The following PALM2AKAP2 variants were observed in gnomAD, a reference collection of about 807,000 sequenced individuals.
PALM2AKAP2 encodes PALM2-AKAP2 fusion protein.
Under a neutral mutation model 71.5 loss-of-function variants are expected in PALM2AKAP2, and 37 were observed. That is an observed-to-expected ratio of 0.52 (90% CI 0.40 to 0.68). The LOEUF (loss-of-function observed/expected upper bound fraction) is 0.68. Ranked by LOEUF, PALM2AKAP2 falls within the 30% of genes least tolerant of loss-of-function variation. The pLI is 0.00. For synonymous variants in PALM2AKAP2, 468 were observed against 478.8 expected (o/e 0.98, Z 0.29); for missense variants, 1,224 against 1,191.8 (o/e 1.03, Z -0.40).
At chr9:109,685,533 C>T (rs528441877) in intron 1 of PALM2AKAP2, among the ~76,000 whole-genome samples, 1 of 152,020 alleles carries the variant, frequency 6.6e-6, no homozygotes, top group East Asian at 1.9e-4. Context: ...TGTAACTACA[C>T]TATACTCTAA....
At chr9:109,905,012 G>C (rs1391354281) in intron 3 of PALM2AKAP2, among the ~76,000 whole-genome samples, 12 of 152,100 alleles carry the variant, frequency 7.9e-5, no homozygotes. Flanking sequence ...TTTGTATCTG[G>C]AGGTTCCAAT....
chr9:109,912,837 A>G (rs917209890), intron 3 of PALM2AKAP2, among the ~76,000 whole-genome samples: 3 of 152,222 alleles, frequency 2.0e-5, no homozygotes, highest in African/African-American at 7.2e-5. Flanking sequence ...GGCAGCAGGA[A>G]CTAATGAAGT....
chr9:109,858,184 G>A (rs534596310), intron 1 of PALM2AKAP2, among the ~76,000 whole-genome samples: 7 of 152,288 alleles, frequency 4.6e-5, no homozygotes, highest in African/African-American at 1.7e-4. Context: ...TACTAGCCAT[G>A]TGACCCTGTC....
At chr9:110,138,452 C>A in exon 2 of PALM2AKAP2, 1 of 1,614,242 alleles carries the variant, frequency 6.2e-7, no homozygotes, top group Non-Finnish European at 8.5e-7. Context: ...GCTGAAGAGG[C>A]AGAGACAAGT....
At chr9:109,879,026 C>T (rs9409097) in intron 2 of PALM2AKAP2, among the ~76,000 whole-genome samples, 53,579 of 152,082 alleles carry the variant, frequency 0.35, 10,134 homozygotes, top group Non-Finnish European at 0.43. Flanking sequence ...CGCGAGCCAC[C>T]GTGCCCAGCC....
chr9:109,946,228 C>A (rs567428457), intron 6 of PALM2AKAP2: 2 of 152,300 alleles, frequency 1.3e-5, no homozygotes, highest in African/African-American at 4.8e-5. Flanking sequence ...TGCTGCCTTT[C>A]CTGCTGCCAT....
intron 6 of PALM2AKAP2, among the ~76,000 whole-genome samples, chr9:110,011,011 AAAAAT>A (rs1398180161): frequency 5.6e-4 from 64 of 113,640 alleles, no homozygotes; most frequent in Non-Finnish European, 7.2e-4. Flanking sequence ...AAAAAAAAAA[AAAAAT>A]ATATATATAT....
chr9:110,124,984 T>C (rs186806230), intron 1 of PALM2AKAP2, among the ~76,000 whole-genome samples: 1 of 152,326 alleles, frequency 6.6e-6, no homozygotes, highest in Non-Finnish European at 1.5e-5. Context: ...ATTAACTTTT[T>C]TTCTGATTGG....
chr9:109,941,485 C>G (rs1018098080), intron 6 of PALM2AKAP2, among the ~76,000 whole-genome samples: 9 of 152,126 alleles, frequency 5.9e-5, no homozygotes, highest in Non-Finnish European at 1.3e-4. Context: ...GATTCTCAGG[C>G]CTGTGGCTTG....
In PALM2AKAP2 at chr9:110,138,360, C is replaced by T. The variant is rs1457486297; in HGVS notation, c.2390C>T (p.Pro797Leu). 8 of 1,614,104 alleles carry T rather than the reference C, an allele frequency of 5.0e-6. No homozygotes were observed. The East Asian group carries it at 1.3e-4, about 27-fold the overall frequency. The change falls in exon 2 of 4, where the codon CCT (proline) becomes CTT (leucine). Residue 797 changes from proline to leucine, a missense_variant. Physicochemically the swap from Pro to Leu is moderately conservative, Grantham distance 98. Transcript: ENST00000374525. ...CAAGAATCTGACGTGATGGTTGGGC[C>T]TTTCAAGCTGAGGTCCAGGAAACAG...
chr9:109,844,829 A>G (rs1293672570), intron 1 of PALM2AKAP2, among the ~76,000 whole-genome samples: 1 of 152,104 alleles, frequency 6.6e-6, no homozygotes, highest in Non-Finnish European at 1.5e-5. Context: ...CACAACTCAC[A>G]TGTGACATGC....
At chr9:109,936,297 A>C (rs1200228707) in intron 6 of PALM2AKAP2, among the ~76,000 whole-genome samples, 1 of 152,114 alleles carries the variant, frequency 6.6e-6, no homozygotes, top group Non-Finnish European at 1.5e-5. Flanking sequence ...TAGTCACCCT[A>C]CTCTGTATTG....
At chr9:110,149,975 G>T (rs1035816796) in intron 2 of PALM2AKAP2, among the ~76,000 whole-genome samples, 2 of 152,172 alleles carry the variant, frequency 1.3e-5, no homozygotes, top group Non-Finnish European at 2.9e-5. Flanking sequence ...TCTCAATTGA[G>T]ACCCCTGTCC....
intron 6 of PALM2AKAP2, among the ~76,000 whole-genome samples, chr9:110,000,168 C>A (rs12353311): frequency 7.2e-6 from 1 of 139,324 alleles, no homozygotes; most frequent in Non-Finnish European, 1.6e-5. Flanking sequence ...CCCCTCCCCC[C>A]ACCACACAAC....
At chr9:109,941,701 G>A (rs1831374064) in intron 6 of PALM2AKAP2, among the ~76,000 whole-genome samples, 2 of 152,194 alleles carry the variant, frequency 1.3e-5, no homozygotes, top group South Asian at 4.2e-4. Context: ...CAGTTTGGAA[G>A]TATGAGGTGT....
exon 2 of PALM2AKAP2, chr9:110,138,195 A>T: frequency 6.2e-7 from 1 of 1,614,006 alleles, no homozygotes; most frequent in Non-Finnish European, 8.5e-7. Flanking sequence ...GCGCTCAGGG[A>T]AAGGGGGCCC....
chr9:109,752,142 G>A (rs971276525), intron 1 of PALM2AKAP2, among the ~76,000 whole-genome samples: 1 of 152,102 alleles, frequency 6.6e-6, no homozygotes, highest in African/African-American at 2.4e-5. Context: ...GGTGGCAGAA[G>A]AGTCCAGAAA....
intron 6 of PALM2AKAP2, among the ~76,000 whole-genome samples, chr9:109,987,100 C>G (rs191318002): frequency 1.2e-4 from 19 of 152,188 alleles, no homozygotes; most frequent in African/African-American, 4.6e-4. Flanking sequence ...CATGCACCTA[C>G]CCGTTATGTT....
intron 1 of PALM2AKAP2, among the ~76,000 whole-genome samples, chr9:109,768,855 C>T (rs907502484): frequency 6.6e-5 from 10 of 152,160 alleles, no homozygotes; most frequent in South Asian, 4.1e-4. Flanking sequence ...CAAGGTGGCT[C>T]ATGCCTATAA....
Sources: allele counts gnomAD v4.1 joint callset (sites outside exome capture counted in the v4.1 genomes callset), GRCh38; gene constraint gnomAD v4.1.1; transcripts MANE v1.5; gene names NCBI Gene and HGNC (gene_info 2026-07-23, HGNC 2026-07-21).